TTC28: variants seen among roughly 807,000 people sequenced by gnomAD.
TTC28 encodes the protein tetratricopeptide repeat protein 28.
TTC28 carries 61 observed loss-of-function variants against 198.0 expected under a neutral mutation model. The observed-to-expected ratio is 0.31, with a 90% CI of 0.25 to 0.38. The LOEUF (loss-of-function observed/expected upper bound fraction) is 0.38. TTC28 is among the 10% of genes least tolerant of loss of function. The pLI, the probability that TTC28 is intolerant of heterozygous loss-of-function variation, is 1.00. For synonymous variants in TTC28, 1,171 were observed against 1,297.8 expected, an observed-to-expected ratio of 0.90 and a Z score of 2.10; for missense variants, 2,678 against 3,164.0, an observed-to-expected ratio of 0.85 and a Z score of 3.69.
At chr22:28,371,528 A>G (rs1386197224) in intron 2 of TTC28, among the ~76,000 whole-genome samples, 1 of 130,768 alleles carries the variant, frequency 7.6e-6, no homozygotes, top group African/African-American at 2.9e-5. Context: ...AAAAAAAAAA[A>G]AGAGTTCAGA....
intron 12 of TTC28, among the ~76,000 whole-genome samples, chr22:28,089,676 A>G (rs985093168): frequency 6.7e-6 from 1 of 149,666 alleles, no homozygotes; most frequent in African/African-American, 2.5e-5. Flanking sequence ...ATAATAAAAT[A>G]AAATAAAATA....
At chr22:28,269,589 A>G (rs1230173952) in intron 5 of TTC28, among the ~76,000 whole-genome samples, 2 of 152,174 alleles carry the variant, frequency 1.3e-5, no homozygotes, top group East Asian at 1.9e-4. Flanking sequence ...AAAAATATCA[A>G]TTTTACTTGA....
At chr22:28,335,197 C>T (rs1014491898) in intron 2 of TTC28, among the ~76,000 whole-genome samples, 1 of 152,144 alleles carries the variant, frequency 6.6e-6, no homozygotes, top group African/African-American at 2.4e-5. Flanking sequence ...GGGCTCTTTT[C>T]TGTTCCATTG....
At chr22:28,550,519 GT>G (rs2049646927) in intron 2 of TTC28, among the ~76,000 whole-genome samples, 1 of 152,038 alleles carries the variant, frequency 6.6e-6, no homozygotes, top group Non-Finnish European at 1.5e-5. Context: ...GACTAATCAA[GT>G]ATTCATGCCC....
chr22:28,255,017 C>G (rs1003635083), intron 5 of TTC28, among the ~76,000 whole-genome samples: 6 of 152,110 alleles, frequency 3.9e-5, no homozygotes, highest in Admixed American at 3.9e-4. Flanking sequence ...TTATATACCA[C>G]AAATTATACA....
intron 15 of TTC28, chr22:28,000,002 G>C (rs1266012876): frequency 6.6e-6 from 1 of 152,138 alleles, no homozygotes; most frequent in Non-Finnish European, 1.5e-5. Context: ...CAGGTTTCTG[G>C]TTAAGCTACA....
In TTC28 at chr22:27,985,143, G is replaced by A; in HGVS notation, c.5815+106C>T. 5 of 802,902 alleles carry A rather than the reference G, an allele frequency of 6.2e-6. No individual in the cohort carries two copies. The South Asian group carries it at 8.5e-5, about 14-fold the overall frequency. 49.7% of individuals were successfully genotyped at this position (802,902 alleles called of 1,614,324 possible). A position where few individuals can be genotyped will look rare whatever the true frequency, so the allele number is the denominator to read the frequency against. ...TCCCTAACAAACATACACAAAAAAT[G>A]TTGATTCACTTTTCTTCTGCTTCCC... On this transcript the variant is annotated intron_variant, in intron 22 of 22. Transcript: ENST00000397906.
intron 5 of TTC28, among the ~76,000 whole-genome samples, chr22:28,223,501 T>C (rs1928042518): frequency 6.6e-6 from 1 of 152,250 alleles, no homozygotes; most frequent in Non-Finnish European, 1.5e-5. Context: ...GCTTCAAACA[T>C]CTGTGTTTTA....
intron 12 of TTC28, among the ~76,000 whole-genome samples, chr22:28,050,731 G>C (rs1940056885): frequency 2.0e-5 from 3 of 152,066 alleles, no homozygotes; most frequent in Admixed American, 2.0e-4. Context: ...AAAGAGATGA[G>C]GGTTTAGGAT....
intron 2 of TTC28, among the ~76,000 whole-genome samples, chr22:28,483,827 G>T (rs1053410725): frequency 5.9e-5 from 9 of 152,122 alleles, no homozygotes; most frequent in African/African-American, 2.2e-4. Context: ...CTAGACTAAG[G>T]GTTAAGAATC....
At chr22:28,074,093 C>A (rs964435736) in intron 12 of TTC28, among the ~76,000 whole-genome samples, 1 of 152,154 alleles carries the variant, frequency 6.6e-6, no homozygotes, top group Non-Finnish European at 1.5e-5. Context: ...AAAACAAAGC[C>A]TATTTCAACC....
chr22:28,449,618 T>C (rs2047750775), intron 2 of TTC28, among the ~76,000 whole-genome samples: 1 of 152,214 alleles, frequency 6.6e-6, no homozygotes, highest in South Asian at 2.1e-4. Flanking sequence ...AGCCTTGCTT[T>C]TAACTTCTGA....
At chr22:28,427,142 T>C (rs1414828163) in intron 2 of TTC28, among the ~76,000 whole-genome samples, 2 of 152,218 alleles carry the variant, frequency 1.3e-5, no homozygotes, top group Non-Finnish European at 2.9e-5. Context: ...CTTAACAATA[T>C]TGTCATGTCT....
intron 2 of TTC28, among the ~76,000 whole-genome samples, chr22:28,574,520 CT>C (rs2050115815): frequency 6.6e-6 from 1 of 152,192 alleles, no homozygotes; most frequent in East Asian, 1.9e-4. Context: ...TACTGATTTC[CT>C]TTCTTCTGGG....
intron 2 of TTC28, among the ~76,000 whole-genome samples, chr22:28,422,691 C>A (rs1477093703): frequency 6.6e-6 from 1 of 152,036 alleles, no homozygotes; most frequent in African/African-American, 2.4e-5. Flanking sequence ...ACGATTCACC[C>A]ACCTCGGCCT....
chr22:28,244,921 C>G (rs554494488), intron 5 of TTC28, among the ~76,000 whole-genome samples: 2 of 152,296 alleles, frequency 1.3e-5, no homozygotes, highest in East Asian at 3.9e-4. Flanking sequence ...CATCCACATA[C>G]ACCTAGAAGG....
chr22:28,460,725 C>T (rs954904350), intron 2 of TTC28, among the ~76,000 whole-genome samples: 13 of 152,008 alleles, frequency 8.6e-5, no homozygotes, highest in Non-Finnish European at 1.0e-4. Context: ...ACTTTGTCAC[C>T]CAGGCTGCAG....
In TTC28 at chr22:28,472,987, T is replaced by C. The variant is rs181492575; in HGVS notation, c.381+156565A>G. Among the ~76,000 whole-genome samples the C allele has an allele frequency of 6.2e-4, 94 of 152,350 alleles. 1 individual carries two copies. The highest frequency in any genetic ancestry group is 2.1e-3 in the African/African-American group (88 of 41,596). On this transcript the variant is annotated intron_variant, in intron 2 of 22. Transcript: ENST00000397906. Reference sequence around the variant, plus strand: ...AATAGGAACACTCTATTTAAGCTAGTTTAGGCTTCTTGTTCCTTCCTAAGG... The same window carrying C: ...AATAGGAACACTCTATTTAAGCTAGCTTAGGCTTCTTGTTCCTTCCTAAGG...
At chr22:28,613,710 T>C (rs1021354786) in intron 2 of TTC28, among the ~76,000 whole-genome samples, 2 of 152,194 alleles carry the variant, frequency 1.3e-5, no homozygotes, top group African/African-American at 4.8e-5. Flanking sequence ...ATTATCTCAA[T>C]AGATGCAGGA....
Sources: allele counts gnomAD v4.1 joint callset (sites outside exome capture counted in the v4.1 genomes callset), GRCh38; gene constraint gnomAD v4.1.1; transcripts MANE v1.5; gene names NCBI Gene and HGNC (gene_info 2026-07-23, HGNC 2026-07-21).